Variants in LASP1 observed in about 807,000 individuals in gnomAD.
The protein encoded by LASP1 is LIM and SH3 protein 1.
In LASP1, 10 loss-of-function variants were observed where a neutral mutation model predicts 38.6. The observed-to-expected ratio is 0.26, with a 90% CI of 0.16 to 0.44. The LOEUF (loss-of-function observed/expected upper bound fraction) is 0.44, where lower values mean the gene tolerates loss of function less well. Ranked by LOEUF, LASP1 falls within the 20% of genes least tolerant of loss-of-function variation. The pLI, the probability that LASP1 is intolerant of heterozygous loss-of-function variation, is 1.00. For synonymous variants in LASP1, 132 were observed against 140.8 expected, an observed-to-expected ratio of 0.94 and a Z score of 0.44; for missense variants, 243 against 375.7, an observed-to-expected ratio of 0.65 and a Z score of 2.92.
rs946589459 is a variant in LASP1 at position 38,901,961 on chromosome 17, G to T, written c.357+3442G>T. On this transcript the variant is annotated intron_variant, in intron 4 of 6. Transcript: ENST00000318008. ...TTTTTGTATTTTTAGTAGAGATGGGGTTTCGCCGTGTTAGCCAGGATGATC... is the reference window on the plus strand; with the variant it reads ...TTTTTGTATTTTTAGTAGAGATGGGTTTTCGCCGTGTTAGCCAGGATGATC... 2.0e-5 allele frequency among the ~76,000 whole-genome samples: 3 copies of T among 152,054 alleles called. No homozygotes were observed. In the East Asian group the frequency reaches 5.8e-4, roughly 29 times the overall value.
chr17:38,876,859 C>T (rs904917299), intron 1 of LASP1, among the ~76,000 whole-genome samples: 32 of 152,102 alleles, frequency 2.1e-4, no homozygotes, highest in African/African-American at 7.2e-4. Context: ...CCCGCCACCA[C>T]GCCTGGCTAA....
At chr17:38,917,048 G>A (rs1433570492) in intron 6 of LASP1, among the ~76,000 whole-genome samples, 2 of 152,254 alleles carry the variant, frequency 1.3e-5, no homozygotes, top group Non-Finnish European at 2.9e-5. Context: ...GATTATGCAG[G>A]GACTTGTGGG....
intron 2 of LASP1, among the ~76,000 whole-genome samples, chr17:38,880,920 A>G (rs913032479): frequency 3.9e-5 from 6 of 152,142 alleles, no homozygotes; most frequent in African/African-American, 1.2e-4. Context: ...CCTGGCCAAC[A>G]TGGTGAAACT....
chr17:38,897,880 C>T (rs973522273), intron 3 of LASP1, among the ~76,000 whole-genome samples: 2 of 152,216 alleles, frequency 1.3e-5, no homozygotes, highest in African/African-American at 4.8e-5. Context: ...AAAGCTCCCC[C>T]AGGCGTAGTG....
chr17:38,896,973 G>A, intron 3 of LASP1: 1 of 985,454 alleles, frequency 1.0e-6, no homozygotes, highest in Non-Finnish European at 1.2e-6. Flanking sequence ...CTGCCTCTGA[G>A]TGCCCTACCT....
intron 3 of LASP1, among the ~76,000 whole-genome samples, chr17:38,891,457 A>G (rs865795998): frequency 3.9e-5 from 6 of 152,128 alleles, no homozygotes; most frequent in Admixed American, 1.3e-4. Flanking sequence ...ACCCTCTCTC[A>G]GCATCCTCCC....
At chr17:38,887,032 C>G (rs74757590) in intron 2 of LASP1, among the ~76,000 whole-genome samples, 1,826 of 152,334 alleles carry the variant, frequency 0.012, 40 homozygotes, top group African/African-American at 0.041. Context: ...CTGCACCCAG[C>G]CTGGCCTGTT....
chr17:38,879,795 G>C (rs182462987), intron 2 of LASP1, among the ~76,000 whole-genome samples: 256 of 152,042 alleles, frequency 1.7e-3, no homozygotes, highest in African/African-American at 5.5e-3. Flanking sequence ...TTGCCTGCCT[G>C]CTGCTATAAT....
At chr17:38,911,794 T>C (rs1055603239) in intron 4 of LASP1, among the ~76,000 whole-genome samples, 8 of 151,964 alleles carry the variant, frequency 5.3e-5, no homozygotes, top group Admixed American at 5.2e-4. Context: ...TGTCTTTTTT[T>C]TTTCATTTTG....
rs189086201 is a variant in LASP1 at position 38,871,090 on chromosome 17, C to T, written c.69+832C>T. Among the ~76,000 whole-genome samples the T allele has an allele frequency of 4.7e-3, 709 of 149,542 alleles. 3 individuals carry two copies. The highest frequency in any genetic ancestry group is 8.1e-3 in the Non-Finnish European group (547 of 67,656). On this transcript the variant is annotated intron_variant, in intron 1 of 6. Transcript: ENST00000318008. The stretch of plus-strand genomic sequence containing the variant: ...AGCTAACTTTTCAAAGCAGGTTTCT[C>T]CAATGGAGGGTGGGGTTGGCTGAGT...
intron 6 of LASP1, among the ~76,000 whole-genome samples, chr17:38,917,613 C>T (rs537882525): frequency 6.6e-6 from 1 of 152,132 alleles, no homozygotes; most frequent in South Asian, 2.1e-4. Flanking sequence ...CAGGACTCAT[C>T]ATGGCTTCTA....
chr17:38,913,429 C>T (rs898146871), intron 4 of LASP1, among the ~76,000 whole-genome samples: 9 of 152,234 alleles, frequency 5.9e-5, no homozygotes, highest in Non-Finnish European at 1.3e-4. Context: ...CGACATCTTG[C>T]ACACAAGAGG....
chr17:38,877,020 C>G (rs993107129), intron 1 of LASP1, among the ~76,000 whole-genome samples: 1 of 152,188 alleles, frequency 6.6e-6, no homozygotes. Flanking sequence ...CATTCTCACA[C>G]GCATGAATGG....
chr17:38,885,292 C>G (rs1914085488), intron 2 of LASP1, among the ~76,000 whole-genome samples: 1 of 152,166 alleles, frequency 6.6e-6, no homozygotes, highest in Non-Finnish European at 1.5e-5. Flanking sequence ...ATGAGAATGC[C>G]AGCCTAAAGC....
At chr17:38,905,549 AAG>A (rs1914755608) in intron 4 of LASP1, among the ~76,000 whole-genome samples, 1 of 150,816 alleles carries the variant, frequency 6.6e-6, no homozygotes, top group African/African-American at 2.4e-5. Flanking sequence ...AAAAAAAAAA[AAG>A]TGTGCTCCTT....
At chr17:38,907,506 G>T (rs1431399880) in intron 4 of LASP1, among the ~76,000 whole-genome samples, 1 of 152,114 alleles carries the variant, frequency 6.6e-6, no homozygotes, top group African/African-American at 2.4e-5. Flanking sequence ...GCTCTGCCTC[G>T]GGAAGTCATT....
intron 3 of LASP1, among the ~76,000 whole-genome samples, chr17:38,895,451 G>C (rs1215255629): frequency 1.3e-5 from 2 of 151,902 alleles, no homozygotes; most frequent in East Asian, 3.9e-4. Context: ...CTCCCAAGTA[G>C]CTGGGATTAC....
At chr17:38,892,564 A>ACACACG (rs1319049921) in intron 3 of LASP1, among the ~76,000 whole-genome samples, 1 of 149,142 alleles carries the variant, frequency 6.7e-6, no homozygotes, top group African/African-American at 2.5e-5. Flanking sequence ...ACACACACAC[A>ACACACG]CACACACACA....
In LASP1 at chr17:38,894,267, G is replaced by A. The variant is rs140377543; in HGVS notation, c.249+3763G>A. The stretch of plus-strand genomic sequence containing the variant: ...CCCTGAGCCCAGGCAGAAGTGCCAA[G>A]TGCCAGTAGACTGTTCTTCCATTTT... On this transcript the variant is annotated intron_variant, in intron 3 of 6. Transcript: ENST00000318008. Among the ~76,000 whole-genome samples, 459 of 152,322 alleles carry A rather than the reference G, an allele frequency of 3.0e-3. 1 individual carries two copies. Among genetic ancestry groups the A allele is most frequent in the African/African-American group, 8.3e-3 (345 of 41,564 alleles).
Sources: allele counts gnomAD v4.1 joint callset (sites outside exome capture counted in the v4.1 genomes callset), GRCh38; gene constraint gnomAD v4.1.1; transcripts MANE v1.5; gene names NCBI Gene and HGNC (gene_info 2026-07-23, HGNC 2026-07-21).